The following CERS6 variants were observed in gnomAD, a reference collection of about 807,000 sequenced individuals.
The protein encoded by CERS6 is LAG1 homolog, ceramide synthase 6.
A neutral mutation model predicts 56.8 loss-of-function variants in CERS6; 26 were observed. The ratio of observed to expected loss-of-function variants is 0.46; its 90% CI spans 0.34 to 0.63. The LOEUF (loss-of-function observed/expected upper bound fraction) is 0.63. CERS6 is among the 30% of genes least tolerant of loss of function. The probability of loss-of-function intolerance (pLI) is 0.01; values close to 1 mark genes in which losing one functional copy is unlikely to be tolerated. For synonymous variants in CERS6, 164 were observed against 173.3 expected (o/e 0.95, Z 0.42); for missense variants, 415 against 467.5 (o/e 0.89, Z 1.04).
intron 4 of CERS6, among the ~76,000 whole-genome samples, chr2:168,641,211 T>C (rs1685034059): frequency 6.6e-6 from 1 of 152,164 alleles, no homozygotes. Flanking sequence ...TCTGCACCAC[T>C]TGCCTTACTT....
intron 8 of CERS6, among the ~76,000 whole-genome samples, chr2:168,763,240 CTTTT>C (rs756952701): frequency 1.9e-5 from 2 of 105,900 alleles, no homozygotes; most frequent in African/African-American, 3.7e-5. Flanking sequence ...CTCTCTCTCT[CTTTT>C]TTTTTTTTTT....
chr2:168,543,858 T>C (rs1028666044), intron 1 of CERS6, among the ~76,000 whole-genome samples: 1 of 152,226 alleles, frequency 6.6e-6, no homozygotes, highest in African/African-American at 2.4e-5. Context: ...ACAATAAGTA[T>C]TAAAGAAGTG....
intron 6 of CERS6, among the ~76,000 whole-genome samples, chr2:168,708,086 T>C (rs994601283): frequency 2.6e-5 from 4 of 152,174 alleles, no homozygotes; most frequent in Admixed American, 2.6e-4. Context: ...ATATTCATCC[T>C]GATCATCAGG....
chr2:168,607,372 A>T (rs76202359), intron 3 of CERS6, among the ~76,000 whole-genome samples: 2,868 of 152,188 alleles, frequency 0.019, 131 homozygotes, highest in East Asian at 0.18. Context: ...CAAAACTAGT[A>T]TATCTTTTTT....
intron 8 of CERS6, among the ~76,000 whole-genome samples, chr2:168,747,703 T>C (rs1034976155): frequency 6.6e-6 from 1 of 152,212 alleles, no homozygotes; most frequent in Non-Finnish European, 1.5e-5. Flanking sequence ...ATATTATCTC[T>C]TTTAATTATT....
chr2:168,572,466 G>A (rs975573226), intron 3 of CERS6, among the ~76,000 whole-genome samples: 1 of 151,944 alleles, frequency 6.6e-6, no homozygotes, highest in Non-Finnish European at 1.5e-5. Context: ...AAGCAGCAGA[G>A]CTGGGATTTG....
chr2:168,742,889 A>G (rs1214285730), intron 8 of CERS6, among the ~76,000 whole-genome samples: 2 of 152,180 alleles, frequency 1.3e-5, no homozygotes, highest in East Asian at 3.8e-4. Flanking sequence ...AATTGATTCT[A>G]ATGATTATGA....
chr2:168,582,743 G>A (rs1482169371), intron 3 of CERS6, among the ~76,000 whole-genome samples: 4 of 152,144 alleles, frequency 2.6e-5, no homozygotes, highest in Non-Finnish European at 5.9e-5. Context: ...TCCCAAATTT[G>A]ACTGCTGCAG....
chr2:168,493,405 A>G (rs986864122), intron 1 of CERS6, among the ~76,000 whole-genome samples: 21 of 152,020 alleles, frequency 1.4e-4, no homozygotes, highest in Non-Finnish European at 1.5e-5. Flanking sequence ...GGTAGGGCAG[A>G]TCAACTAACT....
intron 3 of CERS6, among the ~76,000 whole-genome samples, chr2:168,593,520 TTC>T (rs1204468870): frequency 1.4e-4 from 20 of 144,362 alleles, no homozygotes; most frequent in Admixed American, 7.3e-4. Context: ...ACTTTTGAGT[TTC>T]TGTGTGTTTT....
At chr2:168,490,901 TACCAAGTG>T (rs1165537356) in intron 1 of CERS6, among the ~76,000 whole-genome samples, 1 of 152,254 alleles carries the variant, frequency 6.6e-6, no homozygotes, top group African/African-American at 2.4e-5. Flanking sequence ...CATATTTTGC[TACCAAGTG>T]ACACTTTGAC....
chr2:168,562,900 A>G (rs1440508594), intron 3 of CERS6, among the ~76,000 whole-genome samples: 2 of 152,164 alleles, frequency 1.3e-5, no homozygotes, highest in Non-Finnish European at 2.9e-5. Context: ...TGGCCCTGCC[A>G]TATATCCAAA....
At chr2:168,458,782 A>G (rs911180048) in intron 1 of CERS6, among the ~76,000 whole-genome samples, 43 of 152,366 alleles carry the variant, frequency 2.8e-4, no homozygotes, top group African/African-American at 8.7e-4. Flanking sequence ...GTTTCTTCCT[A>G]TGATAGCTCT....
intron 3 of CERS6, among the ~76,000 whole-genome samples, chr2:168,569,084 G>C (rs1016143211): frequency 2.0e-5 from 3 of 152,184 alleles, no homozygotes; most frequent in African/African-American, 7.2e-5. Context: ...ACCGCAGACT[G>C]TGTGGCTTAA....
chr2:168,670,807 T>G (rs1685888522), intron 4 of CERS6, among the ~76,000 whole-genome samples: 1 of 152,180 alleles, frequency 6.6e-6, no homozygotes, highest in South Asian at 2.1e-4. Flanking sequence ...TACAAAATAC[T>G]GTGTATTTTT....
At chr2:168,585,982 T>C (rs903965146) in intron 3 of CERS6, among the ~76,000 whole-genome samples, 1 of 151,400 alleles carries the variant, frequency 6.6e-6, no homozygotes, top group South Asian at 2.1e-4. Flanking sequence ...TAATGGCAGG[T>C]TAAGATACTT....
At chr2:168,612,091 A>G (rs1181553353) in intron 3 of CERS6, among the ~76,000 whole-genome samples, 3 of 152,252 alleles carry the variant, frequency 2.0e-5, no homozygotes, top group Admixed American at 6.5e-5. Flanking sequence ...TGTTCTACAT[A>G]CTTTACAAGT....
intron 4 of CERS6, among the ~76,000 whole-genome samples, chr2:168,656,886 A>G (rs535290707): frequency 9.5e-4 from 145 of 152,248 alleles, no homozygotes; most frequent in African/African-American, 3.4e-3. Context: ...CTAGATACAA[A>G]GGTTCTCCAC....
intron 4 of CERS6, among the ~76,000 whole-genome samples, chr2:168,685,711 C>T (rs986977356): frequency 6.6e-6 from 1 of 152,140 alleles, no homozygotes; most frequent in Middle Eastern, 3.4e-3. Context: ...TGACTTGCAC[C>T]AGCGCTTCTG....
Sources: allele counts gnomAD v4.1 joint callset (sites outside exome capture counted in the v4.1 genomes callset), GRCh38; gene constraint gnomAD v4.1.1; transcripts MANE v1.5; gene names NCBI Gene and HGNC (gene_info 2026-07-23, HGNC 2026-07-21).